The following RELN variants were observed in gnomAD, a reference collection of about 807,000 sequenced individuals.
The protein encoded by RELN is reelin.
Under a neutral mutation model 427.6 loss-of-function variants are expected in RELN, and 108 were observed. That is an observed-to-expected ratio of 0.25 (90% CI 0.22 to 0.30). The LOEUF (loss-of-function observed/expected upper bound fraction) is 0.30. Ranked by LOEUF, RELN falls within the 10% of genes least tolerant of loss-of-function variation. The pLI, the probability that RELN is intolerant of heterozygous loss-of-function variation, is 1.00. For synonymous variants in RELN, 1,524 were observed against 1,513.4 expected, an observed-to-expected ratio of 1.01 and a Z score of -0.16; for missense variants, 3,715 against 4,302.8, an observed-to-expected ratio of 0.86 and a Z score of 3.82.
chr7:103,975,214 A>G (rs1324956086), intron 1 of RELN, among the ~76,000 whole-genome samples: 1 of 152,204 alleles, frequency 6.6e-6, no homozygotes, highest in Non-Finnish European at 1.5e-5. Flanking sequence ...CCACTTTCAG[A>G]CAACAATTTT....
intron 2 of RELN, among the ~76,000 whole-genome samples, chr7:103,876,547 A>G (rs1794483091): frequency 6.6e-6 from 1 of 152,150 alleles, no homozygotes; most frequent in African/African-American, 2.4e-5. Flanking sequence ...TGTTTCTTCT[A>G]TTGACATTAG....
intron 10 of RELN, among the ~76,000 whole-genome samples, chr7:103,686,556 A>G (rs1833768104): frequency 6.6e-6 from 1 of 151,420 alleles, no homozygotes; most frequent in Non-Finnish European, 1.5e-5. Flanking sequence ...TAAGATGAAT[A>G]AAATTAATTA....
In RELN at chr7:103,917,221, C is replaced by T. The variant is rs374942020; in HGVS notation, c.227-36G>A. On this transcript the variant is annotated intron_variant, in intron 1 of 64. Coordinates refer to ENST00000428762, the MANE Select transcript of RELN (RefSeq NM_005045.4). Reference sequence around the variant, plus strand: ...AGAAAGAAAAAAAAAACTCTCAATACAGTCAGAATAACACAATATATTTCT... The same window carrying T: ...AGAAAGAAAAAAAAAACTCTCAATATAGTCAGAATAACACAATATATTTCT... The T allele has an allele frequency of 2.8e-6, 4 of 1,426,988 alleles. No individual in the cohort carries two copies. In the African/African-American group the frequency reaches 4.2e-5, roughly 15 times the overall value. The allele number at this position is 1,426,988 out of a possible 1,614,324, so 88.4% of individuals were successfully genotyped here.
rs939713826 is a variant in RELN, at chr7:103,697,841, A to C, written c.1143+12T>G. On this transcript the variant is annotated intron_variant, in intron 10 of 64. Transcript: ENST00000428762. The stretch of plus-strand genomic sequence containing the variant: ...GGATTAAAACAACCCAAAAACTAAA[A>C]AGAGCTCTAACCTTAACTGTAGCTC... The C allele has an allele frequency of 6.2e-7, 1 of 1,613,466 alleles. No homozygotes were observed. The highest frequency in any genetic ancestry group is 2.2e-5 in the East Asian group (1 of 44,854).
rs1016313224 is a variant in RELN, at chr7:103,603,743, G to A, written c.3147-253C>T. Among the ~76,000 whole-genome samples, 3 of 152,090 alleles carry A rather than the reference G, an allele frequency of 2.0e-5. No homozygotes were observed. The highest frequency in any genetic ancestry group is 3.2e-3 in the Middle Eastern group (1 of 316). Reference sequence around the variant, plus strand: ...TAGAATTTGGGCATCAAGTATTTACGAAGGACAGTGGTGTGTGTGCTTATG... The same window carrying A: ...TAGAATTTGGGCATCAAGTATTTACAAAGGACAGTGGTGTGTGTGCTTATG... On this transcript the variant is annotated intron_variant, in intron 23 of 64. Transcript: ENST00000428762. This position sits in a 1 kb window ranked among gnomAD's most constrained non-coding sequence, Gnocchi z 4.3.
intron 16 of RELN, among the ~76,000 whole-genome samples, chr7:103,645,392 A>G (rs578122431): frequency 3.3e-5 from 5 of 151,782 alleles, no homozygotes; most frequent in Non-Finnish European, 5.9e-5. Flanking sequence ...AATCCCACCT[A>G]ACTGGTAAAG....
rs1202099779 is a variant in RELN at position 103,700,921 on chromosome 7, T to C, written c.891A>G (p.Leu297=). The C allele has an allele frequency of 6.3e-7, 1 of 1,599,492 alleles. No homozygotes were observed. Among genetic ancestry groups the C allele is most frequent in the Non-Finnish European group, 8.6e-7 (1 of 1,166,782 alleles). The change falls in exon 9 of 65, where the codon CTA becomes CTG. Residue 297 remains leucine, a synonymous_variant. Coordinates refer to ENST00000428762, the MANE Select transcript of RELN (RefSeq NM_005045.4). ...AKNNSADWIQ[L]EKIRAPSNVS... is the part of the protein sequence containing the mutation. ...AAATTACAACAAACCTAATTTTCTC[T>C]AGCTGAATCCAGTCCGCAGAGTTAT... is the stretch of plus-strand genomic sequence containing the variant.
At chr7:103,630,216 T>C in intron 19 of RELN, 40 bp from the exon 20 acceptor site, 1 of 1,360,380 alleles carries the variant, frequency 7.4e-7, no homozygotes, top group South Asian at 1.2e-5. Context: ...ATTATTTTGG[T>C]ATCTTAAAAC....
chr7:103,580,056 G>C (rs1831094930), intron 28 of RELN, among the ~76,000 whole-genome samples: 1 of 152,178 alleles, frequency 6.6e-6, no homozygotes, highest in South Asian at 2.1e-4. Context: ...CTGTAGGCAA[G>C]AGCCCGGTGA....
At chr7:103,938,353 T>C (rs1273343387) in intron 1 of RELN, among the ~76,000 whole-genome samples, 1 of 152,120 alleles carries the variant, frequency 6.6e-6, no homozygotes, top group African/African-American at 2.4e-5. Flanking sequence ...CTATATTGTG[T>C]CTCCCAGACA....
At chr7:103,595,377 G>A (rs906103636) in intron 25 of RELN, among the ~76,000 whole-genome samples, 7 of 151,972 alleles carry the variant, frequency 4.6e-5, no homozygotes, top group African/African-American at 1.7e-4. Flanking sequence ...TCATCCAGTT[G>A]CCTTTTTTCT....
intron 33 of RELN, 117 bp downstream of exon 33, chr7:103,566,107 C>G (rs1049231865): frequency 1.1e-6 from 1 of 887,738 alleles, no homozygotes; most frequent in Non-Finnish European, 1.8e-6. Context: ...TGAGAGCCAC[C>G]CTCAGCATGG....
intron 10 of RELN, among the ~76,000 whole-genome samples, chr7:103,695,890 T>C (rs1833968454): frequency 6.6e-6 from 1 of 152,130 alleles, no homozygotes; most frequent in Non-Finnish European, 1.5e-5. Context: ...TCAGACTCAA[T>C]CAGAATAAAT....
At chr7:103,513,940 G>A (rs1188154242) in intron 50 of RELN, 1 of 151,846 alleles carries the variant, frequency 6.6e-6, no homozygotes, top group African/African-American at 2.4e-5. Flanking sequence ...TGTATTTTCT[G>A]TTTCACATTT....
At chr7:103,738,088 T>A (rs1790539451) in intron 6 of RELN, among the ~76,000 whole-genome samples, 1 of 150,112 alleles carries the variant, frequency 6.7e-6, no homozygotes, top group East Asian at 1.9e-4. Flanking sequence ...ATCATTGTGC[T>A]GGAGGGGAAA....
chr7:103,958,267 G>A (rs1469854363), intron 1 of RELN, among the ~76,000 whole-genome samples: 1 of 152,198 alleles, frequency 6.6e-6, no homozygotes, highest in African/African-American at 2.4e-5. Context: ...CCCAGTGACA[G>A]CCATCGTTCT....
At chr7:103,540,545 A>G in intron 43 of RELN, 90 bp from the exon 44 acceptor site, 1 of 1,192,646 alleles carries the variant, frequency 8.4e-7, no homozygotes, top group Non-Finnish European at 1.2e-6. Context: ...AATGCAGGGG[A>G]ACGAAAGGCC....
chr7:103,742,182 C>T (rs1397631351), intron 6 of RELN, among the ~76,000 whole-genome samples: 1 of 152,136 alleles, frequency 6.6e-6, no homozygotes, highest in Non-Finnish European at 1.5e-5. Flanking sequence ...CTAGCAAACT[C>T]CAACAGACCT....
chr7:103,527,366 G>A (rs1384465966), intron 46 of RELN, among the ~76,000 whole-genome samples: 4 of 152,166 alleles, frequency 2.6e-5, no homozygotes, highest in Non-Finnish European at 5.9e-5. Context: ...TACCGAAGAC[G>A]ACGATGACGC....
Sources: gnomAD v4.1 joint callset for allele counts (sites outside exome capture counted in the v4.1 genomes callset) on GRCh38, gnomAD v4.1.1 for gene constraint, Gnocchi (gnomAD v3.1) non-coding constraint, MANE v1.5 for transcripts, NCBI Gene and HGNC (gene_info 2026-07-23, HGNC 2026-07-21) for gene names.